The following VBP1 variants were observed in gnomAD, a reference collection of about 807,000 sequenced individuals.
VBP1 encodes the protein prefoldin subunit 3.
In VBP1, 4 loss-of-function variants were observed where a neutral mutation model predicts 15.5. The ratio of observed to expected loss-of-function variants is 0.26; its 90% CI spans 0.13 to 0.59. The LOEUF (loss-of-function observed/expected upper bound fraction) is 0.59. Ranked by LOEUF, VBP1 falls within the 20% of genes least tolerant of loss-of-function variation. VBP1 has a pLI of 0.90. For missense variants in VBP1, 108 were observed against 139.6 expected (o/e 0.77, Z 1.14); for synonymous variants, 61 against 52.1 (o/e 1.17, Z -0.74).
chrX:155,239,396 T>C lies in VBP1; in HGVS notation c.*554T>C, dbSNP rs1465358414. ...TTTAGGAAATGGTAATTTGCCTTGCTACACATTAAGAGGGCTATTAAGACT... is the reference window on the plus strand; with the variant it reads ...TTTAGGAAATGGTAATTTGCCTTGCCACACATTAAGAGGGCTATTAAGACT... On this transcript the variant is annotated 3_prime_UTR_variant, in exon 6 of 6. Coordinates refer to ENST00000286428, the MANE Select transcript of VBP1 (RefSeq NM_003372.7). 1 of 112,412 alleles carries C rather than the reference T, an allele frequency of 8.9e-6. No homozygotes were observed. The highest frequency in any genetic ancestry group is 1.9e-5 in the Non-Finnish European group (1 of 53,379). 9.3% of individuals were successfully genotyped at this position (112,412 alleles called of 1,213,427 possible).
chrX:155,230,311 C>T (rs782078495), intron 4 of VBP1, among the ~76,000 whole-genome samples: 1 of 111,901 alleles, frequency 8.9e-6, no homozygotes, highest in Non-Finnish European at 1.9e-5. Context: ...CAAATAAAGT[C>T]ACATTCTGAG....
chrX:155,216,272 C>T (rs2074662181), upstream of VBP1: 1 of 814,770 alleles, frequency 1.2e-6, no homozygotes. Flanking sequence ...GCGGCCCTTC[C>T]ACGCTTGTCA....
chrX:155,215,682 A>G (rs1342722906), upstream of VBP1, among the ~76,000 whole-genome samples: 1 of 112,179 alleles, frequency 8.9e-6, no homozygotes, highest in Non-Finnish European at 1.9e-5. Context: ...TGGATGAAGC[A>G]CTGCCTCACT....
At chrX:155,214,502 C>G (rs1253569997), upstream of VBP1, among the ~76,000 whole-genome samples, 3 of 112,401 alleles carry the variant, frequency 2.7e-5, no homozygotes, top group African/African-American at 9.7e-5. Flanking sequence ...CAGCACAACA[C>G]TACGTGAAAT....
At chrX:155,215,248 G>T (rs1265568314), upstream of VBP1, among the ~76,000 whole-genome samples, 2 of 111,288 alleles carry the variant, frequency 1.8e-5, no homozygotes, top group Admixed American at 9.5e-5. Context: ...TTTTTGGAAG[G>T]CACTGAGGTG....
intron 1 of VBP1, among the ~76,000 whole-genome samples, chrX:155,205,432 G>C (rs1271615468): frequency 8.9e-6 from 1 of 111,862 alleles, no homozygotes; most frequent in Non-Finnish European, 1.9e-5. Context: ...CAGTTGCTCA[G>C]GCCAAAAGCC....
Position 155,238,945 on chromosome X carries a change from T to C in VBP1, c.*103T>C, listed in dbSNP as rs1241453115. On this transcript the variant is annotated 3_prime_UTR_variant, in exon 6 of 6. Transcript: ENST00000286428. ...ACTTTGAATGTTTTAACAGCAAGAA[T>C]TTTAAGAAAAGATAAACACCATTTT... 1.8e-6 allele frequency: 1 copy of C among 558,762 alleles called. No homozygotes were observed. The highest frequency in any genetic ancestry group is 2.6e-6 in the Non-Finnish European group (1 of 377,919). 46.0% of individuals were successfully genotyped at this position (558,762 alleles called of 1,213,427 possible). A position where few individuals can be genotyped will look rare whatever the true frequency, so the allele number is the denominator to read the frequency against.
intron 4 of VBP1, among the ~76,000 whole-genome samples, chrX:155,232,672 G>C (rs1410873281): frequency 1.8e-5 from 2 of 112,197 alleles, no homozygotes; most frequent in Non-Finnish European, 3.8e-5. Context: ...GTGATACTAA[G>C]TGATGGTAGG....
chrX:155,203,160 T>G (rs1201386601), intron 1 of VBP1, among the ~76,000 whole-genome samples: 4 of 111,386 alleles, frequency 3.6e-5, no homozygotes, highest in Non-Finnish European at 7.6e-5. Context: ...ACACTGTTGG[T>G]GGGACTGTAA....
intron 2 of VBP1, among the ~76,000 whole-genome samples, chrX:155,223,672 C>T (rs1235461123): frequency 8.9e-6 from 1 of 112,864 alleles, no homozygotes; most frequent in Non-Finnish European, 1.9e-5. Flanking sequence ...TCGACAAAAC[C>T]TCCATCGTCA....
chrX:155,197,961 T>C (rs1182794787), intron 1 of VBP1, among the ~76,000 whole-genome samples: 5 of 112,540 alleles, frequency 4.4e-5, no homozygotes, highest in African/African-American at 1.6e-4. Context: ...GATTATATCC[T>C]GCACATGGCT....
At chrX:155,225,216 TG>T (rs1169423752) in intron 2 of VBP1, among the ~76,000 whole-genome samples, 1 of 110,935 alleles carries the variant, frequency 9.0e-6, no homozygotes, top group Non-Finnish European at 1.9e-5. Flanking sequence ...TACGTGGAGG[TG>T]GGGGTAATTT....
At chrX:155,197,682 G>A (rs950453384) in intron 1 of VBP1, among the ~76,000 whole-genome samples, 3 of 111,958 alleles carry the variant, frequency 2.7e-5, no homozygotes, top group South Asian at 3.7e-4. Context: ...CGTGAGTGAC[G>A]CAGAAGACGG....
chrX:155,202,013 C>G (rs1210559899), intron 1 of VBP1, among the ~76,000 whole-genome samples: 13 of 111,213 alleles, frequency 1.2e-4, no homozygotes, highest in East Asian at 5.6e-4. Context: ...ATTCACAATT[C>G]CTTCAAAGAG....
At chrX:155,238,174 G>A (rs368673578) in intron 5 of VBP1, among the ~76,000 whole-genome samples, 1 of 112,008 alleles carries the variant, frequency 8.9e-6, no homozygotes, top group Non-Finnish European at 1.9e-5. Flanking sequence ...TACTGCAAAA[G>A]GTAGGAAAGG....
chrX:155,224,720 A>G (rs1412211415), intron 2 of VBP1, among the ~76,000 whole-genome samples: 1 of 111,738 alleles, frequency 8.9e-6, no homozygotes, highest in Non-Finnish European at 1.9e-5. Flanking sequence ...TCATGTGTTA[A>G]TCTCTTTTTC....
chrX:155,220,321 T>G lies in VBP1; in HGVS notation c.218+14T>G. 1 of 1,135,928 alleles carries G rather than the reference T, an allele frequency of 8.8e-7. No individual in the cohort carries two copies. Among genetic ancestry groups the G allele is most frequent in the South Asian group, 2.2e-5 (1 of 46,339 alleles). 93.6% of individuals were successfully genotyped at this position (1,135,928 alleles called of 1,213,427 possible). A position where few individuals can be genotyped will look rare whatever the true frequency, so the allele number is the denominator to read the frequency against. ...AAAGAAAAGAAGGTAAGTGTAAAAA[T>G]TTCTAAGTTTTGAAAATCTTATATG... On this transcript the variant is annotated intron_variant, in intron 2 of 5. Transcript: ENST00000286428.
chrX:155,197,561 A>T (rs1176377353), intron 1 of VBP1, among the ~76,000 whole-genome samples: 2 of 112,231 alleles, frequency 1.8e-5, no homozygotes, highest in East Asian at 5.6e-4. Flanking sequence ...TATGTATAGA[A>T]TGGTAAGAAA....
chrX:155,221,593 A>G (rs2074689764), intron 2 of VBP1, among the ~76,000 whole-genome samples: 1 of 112,234 alleles, frequency 8.9e-6, no homozygotes, highest in Non-Finnish European at 1.9e-5. Flanking sequence ...AGAACAGTAG[A>G]GGTACAGGGG....
Sources: allele counts gnomAD v4.1 joint callset (sites outside exome capture counted in the v4.1 genomes callset), GRCh38; gene constraint gnomAD v4.1.1; transcripts MANE v1.5; gene names NCBI Gene and HGNC (gene_info 2026-07-23, HGNC 2026-07-21).